SNX29: variants seen among roughly 807,000 people sequenced by gnomAD.
SNX29 encodes sorting nexin 29.
SNX29 carries 78 observed loss-of-function variants against 102.1 expected under a neutral mutation model. That is an observed-to-expected ratio of 0.76 (90% confidence interval 0.64 to 0.92). SNX29 has a LOEUF of 0.92. SNX29 is among the 40% of genes least tolerant of loss of function. The probability of loss-of-function intolerance (pLI) is 0.00; values close to 1 mark genes in which losing one functional copy is unlikely to be tolerated. For synonymous variants in SNX29, 580 were observed against 414.5 expected, an observed-to-expected ratio of 1.40 and a Z score of -4.85; for missense variants, 1,280 against 1,061.7, an observed-to-expected ratio of 1.21 and a Z score of -2.86.
In SNX29 at chr16:12,378,212, T is replaced by A. The variant is rs140956123; in HGVS notation, c.1900-20234T>A. 1.8e-3 allele frequency among the ~76,000 whole-genome samples: 271 copies of A among 152,180 alleles called. 1 individual carries two copies. The highest frequency in any genetic ancestry group is 6.2e-3 in the African/African-American group (257 of 41,508). ...ATTCTGATGACTGGAAAGTTCAAGA[T>A]TGGGTATCTGCATCTGGTGAGGGTG... is the stretch of plus-strand genomic sequence containing the variant. On this transcript the variant is annotated intron_variant, in intron 16 of 20. Coordinates refer to ENST00000566228, the MANE Select transcript of SNX29 (RefSeq NM_032167.5).
At chr16:12,343,113 C>T (rs1239090236) in intron 15 of SNX29, among the ~76,000 whole-genome samples, 1 of 152,206 alleles carries the variant, frequency 6.6e-6, no homozygotes, top group African/African-American at 2.4e-5. Context: ...CAGGAGGTCT[C>T]TGTGTGCTAC....
At chr16:12,021,357 C>T (rs1339973906) in intron 3 of SNX29, among the ~76,000 whole-genome samples, 1 of 151,904 alleles carries the variant, frequency 6.6e-6, no homozygotes, top group African/African-American at 2.4e-5. Context: ...ACCCAGGAGA[C>T]AGAGGTTGCA....
At chr16:12,133,228 G>C (rs547736954) in intron 13 of SNX29, among the ~76,000 whole-genome samples, 1 of 147,634 alleles carries the variant, frequency 6.8e-6, no homozygotes, top group Non-Finnish European at 1.5e-5. Context: ...CTTACTAGTT[G>C]TGTGACCTTG....
At chr16:12,001,752 T>C (rs2056295800) in intron 2 of SNX29, among the ~76,000 whole-genome samples, 1 of 152,122 alleles carries the variant, frequency 6.6e-6, no homozygotes, top group African/African-American at 2.4e-5. Flanking sequence ...GCACGGTGGC[T>C]CACACCTGTA....
chr16:12,556,618 C>G (rs769678392), intron 20 of SNX29: 1 of 152,174 alleles, frequency 6.6e-6, no homozygotes, highest in Non-Finnish European at 1.5e-5. Context: ...AGGGTCAAGG[C>G]AAGAAGGGAC....
At chr16:12,291,259 A>G (rs998713915) in intron 15 of SNX29, among the ~76,000 whole-genome samples, 21 of 152,232 alleles carry the variant, frequency 1.4e-4, no homozygotes, top group Admixed American at 6.5e-5. Flanking sequence ...TCACAGTTCC[A>G]CATGGCTGGG....
chr16:12,197,954 G>A (rs148143921), intron 13 of SNX29, among the ~76,000 whole-genome samples: 72 of 152,040 alleles, frequency 4.7e-4, no homozygotes, highest in African/African-American at 8.4e-4. Context: ...GAAAACAGAC[G>A]CTCGGCACCA....
intron 15 of SNX29, among the ~76,000 whole-genome samples, chr16:12,327,520 C>T (rs1013584539): frequency 2.6e-5 from 4 of 152,158 alleles, no homozygotes; most frequent in Non-Finnish European, 5.9e-5. Flanking sequence ...CTGTCTTGTC[C>T]TTCTAAGAAG....
chr16:12,542,745 T>A (rs370117374), intron 20 of SNX29, among the ~76,000 whole-genome samples: 6,856 of 151,574 alleles, frequency 0.045, 268 homozygotes, highest in East Asian at 0.18. Context: ...ATATAAGCAC[T>A]AGACTATCAC....
chr16:12,058,308 A>G lies in SNX29; in HGVS notation c.1125-3220A>G, dbSNP rs562776586. On this transcript the variant is annotated intron_variant, in intron 8 of 20. Transcript: ENST00000566228. The stretch of plus-strand genomic sequence containing the variant: ...ATTTTTTCTCTCTCTTCTTTTGGGC[A>G]TTTTCTAAGTTTTCAAATAACGTGT... 6.8e-4 allele frequency among the ~76,000 whole-genome samples: 104 copies of G among 151,998 alleles called. 1 individual carries two copies. The highest frequency in any genetic ancestry group is 6.8e-3 in the Middle Eastern group (2 of 294).
At chr16:12,059,122 G>A (rs1242531923) in intron 8 of SNX29, among the ~76,000 whole-genome samples, 1 of 152,036 alleles carries the variant, frequency 6.6e-6, no homozygotes, top group Non-Finnish European at 1.5e-5. Flanking sequence ...CTCACTTCTC[G>A]GGTTTGGAAC....
At chr16:12,006,757 T>C (rs2056467471) in intron 3 of SNX29, among the ~76,000 whole-genome samples, 1 of 152,024 alleles carries the variant, frequency 6.6e-6, no homozygotes, top group African/African-American at 2.4e-5. Context: ...TAGCTAAGAC[T>C]ACAGATGCAA....
intron 4 of SNX29, among the ~76,000 whole-genome samples, chr16:12,028,463 A>G (rs1400346739): frequency 2.6e-5 from 4 of 152,098 alleles, no homozygotes; most frequent in Admixed American, 1.3e-4. Flanking sequence ...TACTAGGCTC[A>G]AGTGATCCCC....
chr16:12,200,522 G>T (rs1432473620), intron 14 of SNX29, among the ~76,000 whole-genome samples: 1 of 150,422 alleles, frequency 6.6e-6, no homozygotes, highest in Non-Finnish European at 1.5e-5. Context: ...TCACTCTACC[G>T]CCCAGGATGG....
At chr16:12,259,529 G>T (rs1001808627) in intron 14 of SNX29, among the ~76,000 whole-genome samples, 1 of 152,206 alleles carries the variant, frequency 6.6e-6, no homozygotes, top group Admixed American at 6.5e-5. Flanking sequence ...GAGCTGTGGC[G>T]CAGAGGACTG....
At chr16:12,034,959 C>T (rs184546359) in intron 4 of SNX29, among the ~76,000 whole-genome samples, 34 of 151,982 alleles carry the variant, frequency 2.2e-4, no homozygotes, top group Non-Finnish European at 7.4e-5. Flanking sequence ...TTCAGTGAGC[C>T]GAGACCGTGC....
At chr16:12,149,896 T>G (rs1352614463) in intron 13 of SNX29, among the ~76,000 whole-genome samples, 1 of 152,120 alleles carries the variant, frequency 6.6e-6, no homozygotes, top group Non-Finnish European at 1.5e-5. Flanking sequence ...CAGAGTGCAC[T>G]CCAGTTAGAA....
rs548379181 is a variant in SNX29, at chr16:12,363,881, A to G, written c.1899+7602A>G. Among the ~76,000 whole-genome samples the G allele has an allele frequency of 6.6e-5, 10 of 152,332 alleles. 1 individual carries two copies. In the East Asian group the frequency reaches 1.9e-3, roughly 29 times the overall value. On this transcript the variant is annotated intron_variant, in intron 16 of 20. Transcript: ENST00000566228. Reference sequence around the variant, plus strand: ...CCCTAATCCAAAAATCTGAAATCTGAGGTACTCCAAAATCCAAAATTTTTT... The same window carrying G: ...CCCTAATCCAAAAATCTGAAATCTGGGGTACTCCAAAATCCAAAATTTTTT...
At chr16:12,484,554 C>T (rs2088133147) in intron 19 of SNX29, among the ~76,000 whole-genome samples, 1 of 152,046 alleles carries the variant, frequency 6.6e-6, no homozygotes, top group African/African-American at 2.4e-5. Context: ...GCTCCCTCAC[C>T]TCCCTCTCCT....
Sources: allele counts gnomAD v4.1 joint callset (sites outside exome capture counted in the v4.1 genomes callset), GRCh38; gene constraint gnomAD v4.1.1; transcripts MANE v1.5; gene names NCBI Gene and HGNC (gene_info 2026-07-23, HGNC 2026-07-21).